ENO4: variants seen among roughly 807,000 people sequenced by gnomAD.
ENO4 encodes 2-phospho-D-glycerate hydro-lyase.
A neutral mutation model predicts 63.2 loss-of-function variants in ENO4; 53 were observed. That is an observed-to-expected ratio of 0.84 (90% CI 0.67 to 1.05). The LOEUF is 1.05. ENO4 is among the 50% of genes least tolerant of loss of function. ENO4 has a pLI of 0.00. For synonymous variants in ENO4, 266 were observed against 283.8 expected (o/e 0.94, Z 0.63); for missense variants, 719 against 772.0 (o/e 0.93, Z 0.81).
chr10:116,884,194 T>TAC, downstream of ENO4: 1 of 456,810 alleles, frequency 2.2e-6, no homozygotes, highest in South Asian at 1.5e-5. Context: ...GCTATGAACA[T>TAC]ACCTTGCAGA....
intron 9 of ENO4, 43 bp from the exon 10 acceptor site, chr10:116,874,033 C>A: frequency 6.7e-7 from 1 of 1,483,708 alleles, no homozygotes; most frequent in Admixed American, 2.0e-5. Context: ...TTGATGAATT[C>A]ATTATTTATC....
chr10:116,870,485 A>T (rs1434810770), intron 8 of ENO4, among the ~76,000 whole-genome samples: 2 of 152,010 alleles, frequency 1.3e-5, no homozygotes, highest in South Asian at 2.1e-4. Context: ...TACAAAAAAT[A>T]AAAAAAATAG....
chr10:116,906,551 T>C, intron 10 of ENO4: 3 of 1,407,146 alleles, frequency 2.1e-6, no homozygotes, highest in Non-Finnish European at 2.9e-6. Flanking sequence ...AAAAGATTGT[T>C]TCATGTAAAA....
intron 4 of ENO4, among the ~76,000 whole-genome samples, 189 bp from the exon 5 acceptor site, chr10:116,860,601 TAGAC>T (rs1846384062): frequency 6.6e-6 from 1 of 152,204 alleles, no homozygotes; most frequent in African/African-American, 2.4e-5. Flanking sequence ...TAAAATGTCT[TAGAC>T]AGGCAAAATC....
At chr10:116,868,094 C>T (rs1846593079) in intron 7 of ENO4, among the ~76,000 whole-genome samples, 1 of 152,210 alleles carries the variant, frequency 6.6e-6, no homozygotes, top group African/African-American at 2.4e-5. Context: ...ATTACCTTTG[C>T]TTTTAACCTC....
chr10:116,897,826 T>C (rs1354773970), intron 10 of ENO4, among the ~76,000 whole-genome samples: 3 of 152,158 alleles, frequency 2.0e-5, no homozygotes, highest in African/African-American at 7.2e-5. Context: ...TGGAAATAAC[T>C]GGATGCTGCT....
At chr10:116,875,196 G>A (rs1245599553) in intron 10 of ENO4, among the ~76,000 whole-genome samples, 2 of 152,136 alleles carry the variant, frequency 1.3e-5, no homozygotes, top group African/African-American at 2.4e-5. Flanking sequence ...TTTGGAGGAC[G>A]ATATAAATGC....
intron 2 of ENO4, 31 bp from the exon 3 acceptor site, chr10:116,856,461 A>G: frequency 6.6e-7 from 1 of 1,513,966 alleles, no homozygotes; most frequent in Non-Finnish European, 8.8e-7. Context: ...AGAGGTAGGG[A>G]AAGTGTTGAA....
Position 116,909,652 on chromosome 10 carries a change from A to G in ENO4, c.1195-1847A>G, listed in dbSNP as rs561804257. Among the ~76,000 whole-genome samples the G allele has an allele frequency of 4.6e-5, 7 of 152,350 alleles. No homozygotes were observed. The South Asian group carries it at 1.5e-3, about 32-fold the overall frequency. ...AGGTTTGGAAAAACGAGGTCAGTCA[A>G]TACTGAGACATTAAAAATTGGCTTG... On this transcript the variant is annotated intron_variant, in intron 10 of 10. Transcript: ENST00000369207.
rs182309040 is a variant in ENO4 at position 116,900,627 on chromosome 10, G to T, written c.1195-10872G>T. The T allele has an allele frequency of 2.3e-4, 356 of 1,523,064 alleles. 2 individuals are homozygous for T. In the African/African-American group the frequency reaches 4.3e-3, roughly 19 times the overall value. 94.3% of individuals were successfully genotyped at this position (1,523,064 alleles called of 1,614,324 possible). A position where few individuals can be genotyped will look rare whatever the true frequency, so the allele number is the denominator to read the frequency against. On this transcript the variant is annotated intron_variant, in intron 10 of 10. Transcript: ENST00000369207. ...AACTTGTCTCAGCCAAATTGCTTTTGTGTCTGGATATTGGTTCAAATGTAG... is the reference window on the plus strand; with the variant it reads ...AACTTGTCTCAGCCAAATTGCTTTTTTGTCTGGATATTGGTTCAAATGTAG...
intron 9 of ENO4, among the ~76,000 whole-genome samples, chr10:116,872,822 C>T (rs1846733846): frequency 1.3e-5 from 2 of 152,150 alleles, no homozygotes; most frequent in Admixed American, 1.3e-4. Flanking sequence ...GTGATTTTAA[C>T]TTTACAAAGG....
chr10:116,851,710 C>T (rs1221215520), intron 1 of ENO4, among the ~76,000 whole-genome samples: 1 of 152,158 alleles, frequency 6.6e-6, no homozygotes, highest in Non-Finnish European at 1.5e-5. Context: ...GTGTGGTTCA[C>T]AGTGCTCAGC....
chr10:116,849,857 T>G, intron 1 of ENO4, 126 bp downstream of exon 1: 1 of 1,115,622 alleles, frequency 9.0e-7, no homozygotes, highest in Non-Finnish European at 1.3e-6. Context: ...GCCCTGGGCC[T>G]GCGTGTGCGG....
At chr10:116,886,842 T>G (rs968893329), downstream of ENO4, among the ~76,000 whole-genome samples, 2 of 152,318 alleles carry the variant, frequency 1.3e-5, no homozygotes, top group Admixed American at 6.5e-5. Context: ...CCTGCTTAAT[T>G]GCATTCTCTT....
chr10:116,849,793 G>A, intron 1 of ENO4, 62 bp downstream of exon 1: 1 of 1,447,062 alleles, frequency 6.9e-7, no homozygotes, highest in Non-Finnish European at 9.2e-7. Flanking sequence ...CCGCGCTGCG[G>A]CAACGCCTTG....
At chr10:116,908,486 A>G (rs925819775) in intron 10 of ENO4, among the ~76,000 whole-genome samples, 1 of 152,190 alleles carries the variant, frequency 6.6e-6, no homozygotes, top group African/African-American at 2.4e-5. Flanking sequence ...AAAGTACTAC[A>G]ACAACTATTC....
intron 10 of ENO4, among the ~76,000 whole-genome samples, chr10:116,896,376 T>A (rs1260219509): frequency 1.1e-4 from 16 of 152,250 alleles, no homozygotes; most frequent in East Asian, 1.9e-4. Context: ...TTACTCAACA[T>A]CCCAGAATGT....
downstream of ENO4, chr10:116,884,612 T>A (rs1847110743): frequency 1.1e-5 from 2 of 180,832 alleles, no homozygotes; most frequent in South Asian, 1.1e-4. Context: ...AGTTGCATGC[T>A]GGCAGACAGA....
At chr10:116,870,778 A>G (rs1478367747) in intron 8 of ENO4, among the ~76,000 whole-genome samples, 2 of 152,194 alleles carry the variant, frequency 1.3e-5, no homozygotes, top group Non-Finnish European at 2.9e-5. Context: ...GACAGGGTGG[A>G]CATTTACAGG....
Sources: gnomAD v4.1 joint callset for allele counts (sites outside exome capture counted in the v4.1 genomes callset) on GRCh38, gnomAD v4.1.1 for gene constraint, MANE v1.5 for transcripts, NCBI Gene and HGNC (gene_info 2026-07-23, HGNC 2026-07-21) for gene names.